NKAIN2: variants seen among roughly 807,000 people sequenced by gnomAD.
NKAIN2 encodes the protein sodium/potassium-transporting ATPase subunit beta-1-interacting protein 2.
Under a neutral mutation model 32.6 loss-of-function variants are expected in NKAIN2, and 14 were observed. The ratio of observed to expected loss-of-function variants is 0.43; its 90% confidence interval spans 0.28 to 0.67. The LOEUF (loss-of-function observed/expected upper bound fraction) is 0.67. Among genes scored for constraint, NKAIN2 ranks in the 30% least tolerant of loss-of-function variants. NKAIN2 has a pLI of 0.17. For synonymous variants in NKAIN2, 80 were observed against 87.2 expected (o/e 0.92, Z 0.46); for missense variants, 198 against 258.3 (o/e 0.77, Z 1.60).
chr6:124,140,808 G>A (rs1378524214), intron 1 of NKAIN2, among the ~76,000 whole-genome samples: 1 of 152,064 alleles, frequency 6.6e-6, no homozygotes, highest in South Asian at 2.1e-4. Flanking sequence ...AGGATCTTTT[G>A]TTTCATTCTG....
At chr6:124,016,366 A>G (rs1315585877) in intron 1 of NKAIN2, among the ~76,000 whole-genome samples, 1 of 152,174 alleles carries the variant, frequency 6.6e-6, no homozygotes, top group Non-Finnish European at 1.5e-5. Flanking sequence ...ATGCCTTCAT[A>G]TACAATGTTT....
intron 6 of NKAIN2, among the ~76,000 whole-genome samples, chr6:124,822,814 C>T (rs1307171174): frequency 6.6e-6 from 1 of 151,976 alleles, no homozygotes; most frequent in Non-Finnish European, 1.5e-5. Context: ...GTGTCTACAG[C>T]TTAAGTTTTT....
intron 3 of NKAIN2, among the ~76,000 whole-genome samples, chr6:124,558,409 A>ATT (rs34067946): frequency 1.3e-5 from 2 of 151,692 alleles, no homozygotes; most frequent in African/African-American, 2.4e-5. Flanking sequence ...TTTCTACTCC[A>ATT]TTTTTTTTCA....
intron 1 of NKAIN2, among the ~76,000 whole-genome samples, chr6:123,883,275 G>C (rs1262702152): frequency 6.6e-6 from 1 of 151,992 alleles, no homozygotes; most frequent in Non-Finnish European, 1.5e-5. Flanking sequence ...CTCCCAAGTA[G>C]CTGGGACTAT....
intron 1 of NKAIN2, among the ~76,000 whole-genome samples, chr6:123,860,530 C>T (rs1056209404): frequency 9.9e-5 from 15 of 152,022 alleles, no homozygotes; most frequent in Non-Finnish European, 1.3e-4. Flanking sequence ...CACACCTCAG[C>T]CTCCTGAGTA....
At chr6:123,859,008 T>A (rs1192133409) in intron 1 of NKAIN2, among the ~76,000 whole-genome samples, 1 of 152,204 alleles carries the variant, frequency 6.6e-6, no homozygotes, top group East Asian at 1.9e-4. Flanking sequence ...TATGTGCATA[T>A]GTATAACTTA....
intron 1 of NKAIN2, among the ~76,000 whole-genome samples, chr6:123,815,807 G>A (rs1773670294): frequency 6.6e-6 from 1 of 151,902 alleles, no homozygotes; most frequent in African/African-American, 2.4e-5. Context: ...ACACACACAC[G>A]TATGTGTATA....
intron 3 of NKAIN2, among the ~76,000 whole-genome samples, chr6:124,491,222 A>G (rs1208524268): frequency 2.6e-5 from 4 of 151,874 alleles, no homozygotes; most frequent in Non-Finnish European, 5.9e-5. Flanking sequence ...TTTGCAGATG[A>G]CATCAGAGTC....
intron 1 of NKAIN2, among the ~76,000 whole-genome samples, chr6:124,167,468 G>C (rs1025929004): frequency 1.3e-5 from 2 of 152,058 alleles, no homozygotes; most frequent in African/African-American, 4.8e-5. Context: ...CTGCAAACAG[G>C]GACAATTTGA....
intron 2 of NKAIN2, among the ~76,000 whole-genome samples, chr6:124,313,015 C>G (rs1796788084): frequency 6.6e-6 from 1 of 151,948 alleles, no homozygotes; most frequent in South Asian, 2.1e-4. Flanking sequence ...AACATTATAA[C>G]AAAAGCCTGT....
At chr6:124,127,754 C>A (rs984208497) in intron 1 of NKAIN2, among the ~76,000 whole-genome samples, 1 of 152,142 alleles carries the variant, frequency 6.6e-6, no homozygotes, top group Non-Finnish European at 1.5e-5. Flanking sequence ...GTTTACATTT[C>A]CGCCAACCTG....
chr6:123,811,288 A>C (rs186639477), intron 1 of NKAIN2, among the ~76,000 whole-genome samples: 142 of 152,148 alleles, frequency 9.3e-4, no homozygotes, highest in Non-Finnish European at 1.2e-3. Context: ...TTTGTAATGT[A>C]TTGAAATATA....
chr6:124,165,636 A>C (rs1185698393), intron 1 of NKAIN2, among the ~76,000 whole-genome samples: 1 of 149,866 alleles, frequency 6.7e-6, no homozygotes, highest in Non-Finnish European at 1.5e-5. Flanking sequence ...ATTTAGCATT[A>C]GGTATATCTC....
At chr6:124,631,133 A>T (rs1431425907) in intron 3 of NKAIN2, among the ~76,000 whole-genome samples, 9 of 152,144 alleles carry the variant, frequency 5.9e-5, no homozygotes, top group African/African-American at 2.2e-4. Context: ...AATTATTAAA[A>T]TTGCTCCATT....
At chr6:124,432,069 A>G (rs1775241816) in intron 3 of NKAIN2, among the ~76,000 whole-genome samples, 1 of 152,286 alleles carries the variant, frequency 6.6e-6, no homozygotes, top group South Asian at 2.1e-4. Context: ...ATCTGTGAGA[A>G]TAGCAAATTT....
chr6:124,050,179 A>G (rs1782338818), intron 1 of NKAIN2, among the ~76,000 whole-genome samples: 1 of 152,020 alleles, frequency 6.6e-6, no homozygotes, highest in Admixed American at 6.6e-5. Flanking sequence ...GGAACTGAAT[A>G]GTGAAATGTT....
chr6:123,958,135 GC>G (rs545897375), intron 1 of NKAIN2, among the ~76,000 whole-genome samples: 16 of 152,060 alleles, frequency 1.1e-4, no homozygotes, highest in Non-Finnish European at 1.9e-4. Flanking sequence ...TAGGGTCTCT[GC>G]CCTCCAATAG....
intron 3 of NKAIN2, among the ~76,000 whole-genome samples, chr6:124,638,737 T>C (rs1783868334): frequency 6.6e-6 from 1 of 151,126 alleles, no homozygotes; most frequent in African/African-American, 2.4e-5. Context: ...CTAATAAAAA[T>C]ACAAAAAGCC....
At chr6:124,707,021 T>C (rs1775121598) in intron 4 of NKAIN2, among the ~76,000 whole-genome samples, 1 of 117,674 alleles carries the variant, frequency 8.5e-6, no homozygotes, top group Admixed American at 1.1e-4. Flanking sequence ...CCCCAAAGTG[T>C]GATACTCCCC....
Sources: gnomAD v4.1 joint callset for allele counts (sites outside exome capture counted in the v4.1 genomes callset) on GRCh38, gnomAD v4.1.1 for gene constraint, MANE v1.5 for transcripts, NCBI Gene and HGNC (gene_info 2026-07-23, HGNC 2026-07-21) for gene names.